The following PARD3 variants were observed in gnomAD, a reference collection of about 807,000 sequenced individuals.
The protein encoded by PARD3 is partitioning defective 3 homolog.
A neutral mutation model predicts 155.4 loss-of-function variants in PARD3; 75 were observed. The ratio of observed to expected loss-of-function variants is 0.48; its 90% confidence interval spans 0.40 to 0.58. The LOEUF is 0.58. Among genes scored for constraint, PARD3 ranks in the 20% least tolerant of loss-of-function variants. The pLI, the probability that PARD3 is intolerant of heterozygous loss-of-function variation, is 0.00. For synonymous variants in PARD3, 576 were observed against 610.5 expected, an observed-to-expected ratio of 0.94 and a Z score of 0.83; for missense variants, 1,642 against 1,721.7, an observed-to-expected ratio of 0.95 and a Z score of 0.82.
rs1463351881 is a variant in PARD3 at position 34,487,669 on chromosome 10, CACT to C, written c.404-17409_404-17407del. Reference sequence around the variant, plus strand: ...TTTTTTTTTTTAACTATTAATTTTGCACTATGGTCCTTCATGCAGTGCTGACTC... The same window carrying C: ...TTTTTTTTTTTAACTATTAATTTTGCATGGTCCTTCATGCAGTGCTGACTC... On this transcript the variant is annotated intron_variant, in intron 3 of 24. Transcript: ENST00000374788. 1.7e-3 allele frequency among the ~76,000 whole-genome samples: 254 copies of C among 151,396 alleles called. 2 individuals carry two copies. The highest frequency in any genetic ancestry group is 5.9e-3 in the African/African-American group (243 of 41,210).
chr10:34,355,924 C>CAAAAAAA lies in PARD3; in HGVS notation c.2067+3216_2067+3222dup, dbSNP rs869284165. 4.4e-3 allele frequency among the ~76,000 whole-genome samples: 187 copies of CAAAAAAA among 42,664 alleles called. 14 individuals carry two copies. The highest frequency in any genetic ancestry group is 6.2e-3 in the Non-Finnish European group (142 of 22,934). The allele number at this position is 42,664 out of a possible 152,430, so 28.0% of individuals were successfully genotyped here. A position where few individuals can be genotyped will look rare whatever the true frequency, so the allele number is the denominator to read the frequency against. ...TAGGCAACAGAGTGACACTCCGTCT[C>CAAAAAAA]AAAAAAAAAAAAAAAAAAAAAACAA... On this transcript the variant is annotated intron_variant, in intron 14 of 24. Transcript: ENST00000374788.
chr10:34,745,870 G>A (rs1835248681), intron 1 of PARD3, among the ~76,000 whole-genome samples: 1 of 152,186 alleles, frequency 6.6e-6, no homozygotes, highest in South Asian at 2.1e-4. Context: ...GGAGGTCAAG[G>A]CACGCAGATC....
At chr10:34,306,768 A>T (rs188714663) in intron 20 of PARD3, among the ~76,000 whole-genome samples, 186 of 152,372 alleles carry the variant, frequency 1.2e-3, no homozygotes, top group Non-Finnish European at 1.8e-3. Context: ...CAGAGACGGC[A>T]GTGACATTGC....
At chr10:34,348,847 C>CAATG (rs1198711448) in intron 14 of PARD3, among the ~76,000 whole-genome samples, 1 of 152,008 alleles carries the variant, frequency 6.6e-6, no homozygotes, top group African/African-American at 2.4e-5. Flanking sequence ...AATAAATAAG[C>CAATG]AATGAATGTA....
At chr10:34,763,169 G>A (rs559221405) in intron 1 of PARD3, among the ~76,000 whole-genome samples, 59 of 152,280 alleles carry the variant, frequency 3.9e-4, no homozygotes, top group African/African-American at 1.3e-3. Context: ...TGCAATGTGT[G>A]GGACAGTCCC....
At chr10:34,485,208 C>T (rs1030060574) in intron 3 of PARD3, among the ~76,000 whole-genome samples, 8 of 152,040 alleles carry the variant, frequency 5.3e-5, no homozygotes, top group Non-Finnish European at 1.2e-4. Context: ...CGTGGTGGTG[C>T]CCACCTGTAA....
intron 22 of PARD3, among the ~76,000 whole-genome samples, chr10:34,245,600 C>A (rs1008182362): frequency 6.6e-6 from 1 of 151,666 alleles, no homozygotes; most frequent in Non-Finnish European, 1.5e-5. Context: ...CAAAACAAAA[C>A]AAAACAAAAC....
intron 24 of PARD3, among the ~76,000 whole-genome samples, chr10:34,118,567 A>C (rs936655334): frequency 1.3e-5 from 2 of 151,960 alleles, no homozygotes; most frequent in Non-Finnish European, 2.9e-5. Context: ...GCTGGTCTCG[A>C]ACTCCTGGGC....
intron 22 of PARD3, among the ~76,000 whole-genome samples, chr10:34,191,910 G>A (rs1950728621): frequency 6.6e-6 from 1 of 152,164 alleles, no homozygotes; most frequent in African/African-American, 2.4e-5. Context: ...CCTCTGTGAG[G>A]CCAGCAAATA....
chr10:34,814,911 G>T lies in PARD3; in HGVS notation c.85C>A (p.Gln29Lys), dbSNP rs758868966. 2 of 1,557,468 alleles carry T rather than the reference G, an allele frequency of 1.3e-6. No homozygotes were observed. Among genetic ancestry groups the T allele is most frequent in the East Asian group, 2.5e-5 (1 of 39,398 alleles). ...GHMKVFSLIQQAVTRYRKAIA... is the reference protein window; with the variant it reads ...GHMKVFSLIQKAVTRYRKAIA... Reference sequence around the variant, plus strand: ...GCCTTCCGGTAGCGGGTCACCGCCTGCTGGATGAGGCTGAAAACTTTCATG... The same window carrying T: ...GCCTTCCGGTAGCGGGTCACCGCCTTCTGGATGAGGCTGAAAACTTTCATG... Residue 29 changes from glutamine to lysine, a missense_variant, in exon 1 of 25, where the codon CAG (glutamine) becomes AAG (lysine). Around this residue, in one of 3 missense-constraint regions of PARD3, gnomAD observed 75 missense variants for 65.3 expected, o/e 1.15. Coordinates refer to ENST00000374788, the MANE Select transcript of PARD3 (RefSeq NM_001184785.2).
At chr10:34,524,456 T>C (rs905594477) in intron 2 of PARD3, among the ~76,000 whole-genome samples, 5 of 152,238 alleles carry the variant, frequency 3.3e-5, no homozygotes, top group Admixed American at 3.3e-4. Flanking sequence ...TTAATTCTGT[T>C]GTCCCTCAGG....
chr10:34,219,774 G>C (rs896580152), intron 22 of PARD3, among the ~76,000 whole-genome samples: 2 of 152,160 alleles, frequency 1.3e-5, no homozygotes, highest in African/African-American at 4.8e-5. Context: ...CCACTAGTGT[G>C]AGTCTATTTT....
At chr10:34,170,278 G>A (rs190609046) in intron 22 of PARD3, among the ~76,000 whole-genome samples, 11 of 152,182 alleles carry the variant, frequency 7.2e-5, no homozygotes, top group African/African-American at 7.2e-5. Flanking sequence ...TGTAGAGACC[G>A]GTCTTGCTAT....
chr10:34,350,969 A>T (rs1277700442), intron 14 of PARD3, among the ~76,000 whole-genome samples: 5 of 152,240 alleles, frequency 3.3e-5, no homozygotes, highest in Non-Finnish European at 7.3e-5. Flanking sequence ...CTCTTTGAAC[A>T]GGCCTTTATT....
intron 2 of PARD3, among the ~76,000 whole-genome samples, chr10:34,673,254 T>C (rs2093640594): frequency 6.6e-6 from 1 of 152,166 alleles, no homozygotes; most frequent in Non-Finnish European, 1.5e-5. Flanking sequence ...AGAGCATGAT[T>C]TTGGGAGAAA....
At chr10:34,174,293 G>C (rs1949938813) in intron 22 of PARD3, among the ~76,000 whole-genome samples, 1 of 152,190 alleles carries the variant, frequency 6.6e-6, no homozygotes, top group Non-Finnish European at 1.5e-5. Flanking sequence ...GGTTGAGCTT[G>C]AGAAGAGTGC....
intron 7 of PARD3, among the ~76,000 whole-genome samples, chr10:34,392,209 T>A (rs948133956): frequency 1.3e-5 from 2 of 152,100 alleles, no homozygotes; most frequent in South Asian, 4.1e-4. Context: ...CTCTTAGAGA[T>A]GTGATTTCAT....
At chr10:34,747,658 G>A (rs536033795) in intron 1 of PARD3, among the ~76,000 whole-genome samples, 1 of 152,220 alleles carries the variant, frequency 6.6e-6, no homozygotes, top group Non-Finnish European at 1.5e-5. Context: ...GAGAGCTGGT[G>A]TCGTGGTATG....
At chr10:34,629,410 AG>A (rs973866083) in intron 2 of PARD3, among the ~76,000 whole-genome samples, 1 of 151,638 alleles carries the variant, frequency 6.6e-6, no homozygotes, top group Non-Finnish European at 1.5e-5. Context: ...AAAGGCACAA[AG>A]GGGGGTATTT....
Sources: gnomAD v4.1 joint callset for allele counts (sites outside exome capture counted in the v4.1 genomes callset) on GRCh38, gnomAD v4.1.1 for gene constraint, gnomAD v4.1.1 regional missense constraint, MANE v1.5 for transcripts, NCBI Gene and HGNC (gene_info 2026-07-23, HGNC 2026-07-21) for gene names.